Variants in EPHB2 observed in about 807,000 individuals in gnomAD.
The protein encoded by EPHB2 is ephrin type-B receptor 2.
In EPHB2, 18 loss-of-function variants were observed where a neutral mutation model predicts 96.4. The ratio of observed to expected loss-of-function variants is 0.19; its 90% confidence interval spans 0.13 to 0.28. The LOEUF (loss-of-function observed/expected upper bound fraction) is 0.28, where lower values mean the gene tolerates loss of function less well. EPHB2 is among the 10% of genes least tolerant of loss of function. The pLI, the probability that EPHB2 is intolerant of heterozygous loss-of-function variation, is 1.00. For missense variants in EPHB2, 989 were observed against 1,355.4 expected, an observed-to-expected ratio of 0.73 and a Z score of 4.25; for synonymous variants, 506 against 534.1, an observed-to-expected ratio of 0.95 and a Z score of 0.72.
intron 1 of EPHB2, among the ~76,000 whole-genome samples, chr1:22,754,810 G>A (rs1282922065): frequency 8.5e-5 from 5 of 58,502 alleles, no homozygotes; most frequent in East Asian, 9.4e-4. Context: ...GAGGTGAGAG[G>A]CAGGGGAAGG....
rs189196926 is a variant in EPHB2 at position 22,720,389 on chromosome 1, T to G, written c.61+9346T>G. 4.4e-4 allele frequency among the ~76,000 whole-genome samples: 67 copies of G among 152,332 alleles called. No individual in the cohort carries two copies. The Middle Eastern group carries it at 0.01, about 23-fold the overall frequency. ...GCATGGAAAATTTAATGGTGGGTTA[T>G]CCAGCGTCCCACTCAACATGTCCTG... On this transcript the variant is annotated intron_variant, in intron 1 of 15. Transcript: ENST00000374630.
chr1:22,759,132 C>T (rs1644198742), intron 1 of EPHB2, among the ~76,000 whole-genome samples: 1 of 152,110 alleles, frequency 6.6e-6, no homozygotes. Flanking sequence ...TTGCTCCTTC[C>T]TCTCGGAACA....
chr1:22,853,149 A>C (rs995602588), intron 3 of EPHB2, among the ~76,000 whole-genome samples: 1 of 152,222 alleles, frequency 6.6e-6, no homozygotes, highest in Non-Finnish European at 1.5e-5. Context: ...AGGAGATCGA[A>C]ACCATCCTGG....
At chr1:22,762,480 C>T (rs1456430420) in intron 1 of EPHB2, among the ~76,000 whole-genome samples, 1 of 152,096 alleles carries the variant, frequency 6.6e-6, no homozygotes, top group Non-Finnish European at 1.5e-5. Context: ...AAGCCAGGAA[C>T]CCCTCTGGGC....
Position 22,882,434 on chromosome 1 carries a change from A to G in EPHB2, c.1379A>G (p.Asp460Gly), listed in dbSNP as rs1392511828. 1 of 1,614,188 alleles carries G rather than the reference A, an allele frequency of 6.2e-7. No individual in the cohort carries two copies. Among genetic ancestry groups the G allele is most frequent in the Non-Finnish European group, 8.5e-7 (1 of 1,180,010 alleles). Residue 460 changes from aspartate to glycine, a missense_variant, in exon 6 of 16, where the codon GAC (aspartate) becomes GGC (glycine). Transcript: ENST00000374630. ...ATTACCCTGTCGTGGTCCCAGCCGGACCAGCCCAATGGCGTGATCCTGGAC... is the reference window on the plus strand; with the variant it reads ...ATTACCCTGTCGTGGTCCCAGCCGGGCCAGCCCAATGGCGTGATCCTGGAC... ...DSITLSWSQP[D>G]QPNGVILDYE...
chr1:22,893,044 A>G lies in EPHB2; in HGVS notation c.1589A>G (p.Glu530Gly), dbSNP rs747193087. ...AAGATGTACTTCCAGACCATGACAG[A>G]AGGTGAGCAGAGTCCAGCGGGCAAG... ...SGKMYFQTMTEAEYQTSIQEK... is the reference protein window; with the variant it reads ...SGKMYFQTMTGAEYQTSIQEK... Residue 530 changes from glutamate (E) to glycine (G), a missense_variant and splice_region_variant, in exon 7 of 16, where the codon GAA (glutamate) becomes GGA (glycine). Coordinates refer to ENST00000374630, the MANE Select transcript of EPHB2 (RefSeq NM_017449.5). The G allele has an allele frequency of 3.7e-6, 6 of 1,614,224 alleles. No individual in the cohort carries two copies. In the East Asian group the frequency reaches 1.1e-4, roughly 30 times the overall value.
intron 5 of EPHB2, among the ~76,000 whole-genome samples, chr1:22,872,220 C>A (rs1026007737): frequency 1.3e-5 from 2 of 152,104 alleles, no homozygotes; most frequent in Non-Finnish European, 2.9e-5. Flanking sequence ...TCCTCAAGGC[C>A]TCTCTTGGGT....
chr1:22,870,542 A>G (rs1638629955), intron 5 of EPHB2, among the ~76,000 whole-genome samples: 1 of 152,196 alleles, frequency 6.6e-6, no homozygotes, highest in Admixed American at 6.5e-5. Context: ...GGGCAGTCAG[A>G]GGAGAGCTTC....
chr1:22,877,906 C>T (rs530031113), intron 5 of EPHB2, among the ~76,000 whole-genome samples: 1 of 152,246 alleles, frequency 6.6e-6, no homozygotes, highest in African/African-American at 2.4e-5. Flanking sequence ...AGTAGAATCT[C>T]AGTGGGGGGT....
rs760926809 is a variant in EPHB2, at chr1:22,781,410, T to C, written c.62-11T>C. ...GTGGGGCGGGGTGGTGACTCTTTGC[T>C]CTCCCCACAGAAACGCTAATGGACT... is the stretch of plus-strand genomic sequence containing the variant. On this transcript the variant is annotated splice_polypyrimidine_tract_variant and intron_variant, in intron 1 of 15. Transcript: ENST00000374630. 3 of 1,613,100 alleles carry C rather than the reference T, an allele frequency of 1.9e-6. No homozygotes were observed. Among genetic ancestry groups the C allele is most frequent in the Non-Finnish European group, 1.7e-6 (2 of 1,179,800 alleles).
chr1:22,741,522 G>A (rs1273373090), intron 1 of EPHB2, among the ~76,000 whole-genome samples: 2 of 152,122 alleles, frequency 1.3e-5, no homozygotes, highest in Admixed American at 6.5e-5. Flanking sequence ...CTGATGCATA[G>A]AATAACTCTG....
intron 3 of EPHB2, among the ~76,000 whole-genome samples, chr1:22,826,990 G>T (rs1193937123): frequency 6.6e-6 from 1 of 152,206 alleles, no homozygotes; most frequent in African/African-American, 2.4e-5. Context: ...GTTGATCTTT[G>T]CTTTCAGTCC....
intron 6 of EPHB2, among the ~76,000 whole-genome samples, chr1:22,887,441 T>C (rs962229875): frequency 6.6e-6 from 1 of 152,192 alleles, no homozygotes; most frequent in Non-Finnish European, 1.5e-5. Flanking sequence ...CAGGCCTGTG[T>C]GGCCCCCACC....
chr1:22,803,250 G>A (rs1644871010), intron 3 of EPHB2, among the ~76,000 whole-genome samples: 1 of 152,132 alleles, frequency 6.6e-6, no homozygotes, highest in Non-Finnish European at 1.5e-5. Context: ...CTGCCCTAGT[G>A]AGGCTGCACA....
rs76676238 is a variant in EPHB2 at position 22,756,229 on chromosome 1, C to T, written c.62-25192C>T. On this transcript the variant is annotated intron_variant, in intron 1 of 15. Transcript: ENST00000374630. ...GCCCTGGGGAGCGACAGGCAGGCCA[C>T]GAGTAGGGAGTGACATGATAAAGGG... Among the ~76,000 whole-genome samples the T allele has an allele frequency of 7.2e-5, 11 of 151,988 alleles. No individual in the cohort carries two copies. The East Asian group carries it at 1.4e-3, about 19-fold the overall frequency.
chr1:22,894,683 C>A (rs925886049), intron 7 of EPHB2, among the ~76,000 whole-genome samples: 5 of 152,036 alleles, frequency 3.3e-5, no homozygotes, highest in Non-Finnish European at 7.4e-5. Flanking sequence ...AAGAGCCAGG[C>A]TAATGCCAAG....
chr1:22,765,328 C>A, intron 1 of EPHB2, among the ~76,000 whole-genome samples: 1 of 152,054 alleles, frequency 6.6e-6, no homozygotes, highest in East Asian at 1.9e-4. Flanking sequence ...GGAAGGATCA[C>A]TTGAGGTCAG....
intron 9 of EPHB2, among the ~76,000 whole-genome samples, chr1:22,899,987 C>G (rs1639698067): frequency 6.6e-6 from 1 of 151,958 alleles, no homozygotes; most frequent in South Asian, 2.1e-4. Context: ...GAGTGAGACC[C>G]TGTCCCAAGA....
chr1:22,762,329 GCTGCAGGA>G (rs1397176566), intron 1 of EPHB2, among the ~76,000 whole-genome samples: 1 of 152,192 alleles, frequency 6.6e-6, no homozygotes, highest in African/African-American at 2.4e-5. Flanking sequence ...ACTCCTTAGG[GCTGCAGGA>G]CCCTCAGCTG....
Sources: gnomAD v4.1 joint callset for allele counts (sites outside exome capture counted in the v4.1 genomes callset) on GRCh38, gnomAD v4.1.1 for gene constraint, MANE v1.5 for transcripts, NCBI Gene and HGNC (gene_info 2026-07-23, HGNC 2026-07-21) for gene names.